RIMS1: variants seen among roughly 807,000 people sequenced by gnomAD.
RIMS1 encodes the protein regulating synaptic membrane exocytosis protein 1.
RIMS1 carries 83 observed loss-of-function variants against 214.1 expected under a neutral mutation model. That is an observed-to-expected ratio of 0.39 (90% CI 0.32 to 0.47). The LOEUF (loss-of-function observed/expected upper bound fraction) is 0.47. RIMS1 is among the 20% of genes least tolerant of loss of function. The probability of loss-of-function intolerance (pLI) is 0.99; values close to 1 mark genes in which losing one functional copy is unlikely to be tolerated. For missense variants in RIMS1, 2,050 were observed against 2,161.8 expected (o/e 0.95, Z 1.03); for synonymous variants, 793 against 786.8 (o/e 1.01, Z -0.13).
chr6:71,993,326 G>A (rs1233965463), intron 2 of RIMS1, among the ~76,000 whole-genome samples: 1 of 152,102 alleles, frequency 6.6e-6, no homozygotes, highest in African/African-American at 2.4e-5. Flanking sequence ...CTTTTGTTTT[G>A]TTTTCAACAC....
At chr6:72,072,326 G>C (rs1830756778) in intron 2 of RIMS1, among the ~76,000 whole-genome samples, 1 of 152,158 alleles carries the variant, frequency 6.6e-6, no homozygotes, top group African/African-American at 2.4e-5. Context: ...GCTTCCAGGA[G>C]ACAAAGGAAT....
intron 2 of RIMS1, among the ~76,000 whole-genome samples, chr6:72,037,738 C>CTGGTCAATAGT (rs1278691370): frequency 2.0e-5 from 3 of 151,812 alleles, no homozygotes; most frequent in African/African-American, 7.3e-5. Context: ...AGTGCTTTTG[C>CTGGTCAATAGT]TGGTCAATAG....
At chr6:72,215,304 A>G (rs72939724) in intron 6 of RIMS1, among the ~76,000 whole-genome samples, 2,297 of 152,324 alleles carry the variant, frequency 0.015, 33 homozygotes, top group Non-Finnish European at 0.023. Flanking sequence ...AAATAAAAGT[A>G]TATCATTATA....
chr6:71,924,619 C>A (rs572991092), intron 1 of RIMS1, among the ~76,000 whole-genome samples: 8 of 137,584 alleles, frequency 5.8e-5, no homozygotes, highest in African/African-American at 2.7e-4. Flanking sequence ...CACAGCAAAA[C>A]CCCATCTCTG....
intron 2 of RIMS1, among the ~76,000 whole-genome samples, chr6:72,068,005 CT>C (rs1829722233): frequency 6.6e-6 from 1 of 152,174 alleles, no homozygotes; most frequent in Non-Finnish European, 1.5e-5. Context: ...TTGACCCAAA[CT>C]GTTCAGGAAT....
At chr6:72,114,642 A>T (rs2036723768) in intron 4 of RIMS1, among the ~76,000 whole-genome samples, 1 of 151,962 alleles carries the variant, frequency 6.6e-6, no homozygotes, top group Non-Finnish European at 1.5e-5. Flanking sequence ...CTGAAAGTAT[A>T]GTAAGCACTC....
intron 2 of RIMS1, among the ~76,000 whole-genome samples, chr6:72,006,169 C>T (rs1343380328): frequency 3.9e-5 from 6 of 152,172 alleles, no homozygotes; most frequent in Non-Finnish European, 8.8e-5. Context: ...CATAAGGGCT[C>T]TGCCCTCATG....
At chr6:71,951,366 A>G (rs1322528051) in intron 1 of RIMS1, among the ~76,000 whole-genome samples, 1 of 152,186 alleles carries the variant, frequency 6.6e-6, no homozygotes, top group African/African-American at 2.4e-5. Flanking sequence ...CTGTATTAAT[A>G]ATGACGACAT....
At chr6:72,284,139 T>C (rs751490041) in intron 24 of RIMS1, 21 bp downstream of exon 24, 4 of 1,600,114 alleles carry the variant, frequency 2.5e-6, no homozygotes, top group Non-Finnish European at 3.4e-6. Flanking sequence ...TGTTGTGGTG[T>C]GCTGACATCT....
chr6:72,126,761 TAAA>T (rs71540329), intron 4 of RIMS1: 1,278 of 124,316 alleles, frequency 0.01, no homozygotes, highest in South Asian at 0.019. Context: ...ATTAAAAAGT[TAAA>T]AAAAAAAAAA....
chr6:71,967,717 A>G (rs1217042601), intron 1 of RIMS1, among the ~76,000 whole-genome samples: 2 of 152,136 alleles, frequency 1.3e-5, no homozygotes, highest in African/African-American at 4.8e-5. Context: ...ACTTTTTAAA[A>G]CTTTTATGCA....
At chr6:72,185,547 A>G (rs545750319) in intron 6 of RIMS1, among the ~76,000 whole-genome samples, 7 of 152,346 alleles carry the variant, frequency 4.6e-5, no homozygotes, top group Admixed American at 3.3e-4. Flanking sequence ...AATGACAGAC[A>G]CTGAGGAAGA....
chr6:72,253,642 A>G (rs2074450681), intron 16 of RIMS1, among the ~76,000 whole-genome samples: 1 of 152,172 alleles, frequency 6.6e-6, no homozygotes, highest in Non-Finnish European at 1.5e-5. Flanking sequence ...GACAGTATAT[A>G]TATATATGCC....
chr6:71,947,786 C>T (rs1788329458), intron 1 of RIMS1, among the ~76,000 whole-genome samples: 1 of 151,708 alleles, frequency 6.6e-6, no homozygotes, highest in Admixed American at 6.6e-5. Flanking sequence ...ATGTTACAAA[C>T]CATAAACATG....
chr6:72,392,581 G>A, intron 30 of RIMS1, 117 bp from the exon 31 acceptor site: 1 of 771,924 alleles, frequency 1.3e-6, no homozygotes, highest in Non-Finnish European at 2.3e-6. Flanking sequence ...TAAAAAAACA[G>A]ATTGTCTAAG....
intron 4 of RIMS1, among the ~76,000 whole-genome samples, chr6:72,124,880 A>G (rs1360528752): frequency 6.6e-6 from 1 of 152,132 alleles, no homozygotes; most frequent in African/African-American, 2.4e-5. Flanking sequence ...CCATTCATCT[A>G]ATCTTTTTTC....
chr6:72,276,580 G>A (rs1464388104), intron 23 of RIMS1, among the ~76,000 whole-genome samples: 2 of 151,824 alleles, frequency 1.3e-5, no homozygotes, highest in Non-Finnish European at 2.9e-5. Flanking sequence ...ACATAATTTT[G>A]AATACATATT....
intron 1 of RIMS1, among the ~76,000 whole-genome samples, chr6:71,959,470 A>G (rs545695211): frequency 6.6e-6 from 1 of 152,268 alleles, no homozygotes; most frequent in African/African-American, 2.4e-5. Context: ...AGAAGTATCT[A>G]AAAACATTAT....
chr6:72,142,178 T>C (rs1045045223), intron 4 of RIMS1, among the ~76,000 whole-genome samples: 1 of 151,930 alleles, frequency 6.6e-6, no homozygotes, highest in Non-Finnish European at 1.5e-5. Context: ...ATTTTATCTC[T>C]TCTGGCAGAA....
Sources: gnomAD v4.1 joint callset for allele counts (sites outside exome capture counted in the v4.1 genomes callset) on GRCh38, gnomAD v4.1.1 for gene constraint, MANE v1.5 for transcripts, NCBI Gene and HGNC (gene_info 2026-07-23, HGNC 2026-07-21) for gene names.